The following FRG2B variants were observed in gnomAD, a reference collection of about 807,000 sequenced individuals.
FRG2B encodes the protein protein FRG2-like-1.
For missense variants in FRG2B, 95 were observed against 310.7 expected, an observed-to-expected ratio of 0.31 and a Z score of 5.22; for synonymous variants, 33 against 117.1, an observed-to-expected ratio of 0.28 and a Z score of 4.64.
At position 133,624,158 on chromosome 10, in the gene FRG2B, A is replaced by T. The variant is rs1852480158; in HGVS notation, c.*941T>A. The T allele has an allele frequency of 1.1e-5, 1 of 91,096 alleles. No individual in the cohort carries two copies. The highest frequency in any genetic ancestry group is 1.4e-4 in the Admixed American group (1 of 7,132). The allele number at this position is 91,096 out of a possible 1,614,324, so 5.6% of individuals were successfully genotyped here. A position where few individuals can be genotyped will look rare whatever the true frequency, so the allele number is the denominator to read the frequency against. ...TACAATCAATTGAAATGTATAAAAT[A>T]TAATAAAATATAAATTTAGGATGTT... On this transcript the variant is annotated 3_prime_UTR_variant, in exon 4 of 4. Coordinates refer to ENST00000425520, the MANE Select transcript of FRG2B (RefSeq NM_001080998.2).
rs779143439 is a variant in FRG2B at position 133,625,561 on chromosome 10, T to G, written c.375A>C (p.Lys125Asn). The change falls in exon 4 of 4, where the codon AAA (lysine) becomes AAC (asparagine). Residue 125 changes from lysine (K) to asparagine (N), a missense_variant. Physicochemically the swap from Lys to Asn is moderately conservative, Grantham distance 94 (BLOSUM62 0). Coordinates refer to ENST00000425520, the MANE Select transcript of FRG2B (RefSeq NM_001080998.2). ...EKECSLSLNK[K>N]SRSSTPVHNS... ...TGTGCACAGGAGTGGAGGATCTTGA[T>G]TTTTTATTCAATGACAAGCTGCACT... is the stretch of plus-strand genomic sequence containing the variant. 2 of 1,580,356 alleles carry G rather than the reference T, an allele frequency of 1.3e-6. No homozygotes were observed. The highest frequency in any genetic ancestry group is 1.4e-5 in the African/African-American group (1 of 70,958).
chr10:133,626,487 AC>A (rs1852508858), intron 1 of FRG2B, 77 bp downstream of exon 1: 1 of 1,587,426 alleles, frequency 6.3e-7, no homozygotes, highest in African/African-American at 1.4e-5. Context: ...TCAAAATAAA[AC>A]CCTGCTAAAG....
rs1852483193 is a variant in FRG2B, at chr10:133,624,631, T to G, written c.*468A>C. ...CCCAGCTGCTTGGGAGGCTGAGGCA[T>G]GAGAATTGTTTGAACCCAGGAAGCA... On this transcript the variant is annotated 3_prime_UTR_variant, in exon 4 of 4. Coordinates refer to ENST00000425520, the MANE Select transcript of FRG2B (RefSeq NM_001080998.2). 1 of 137,776 alleles carries G rather than the reference T, an allele frequency of 7.3e-6. No individual in the cohort carries two copies. The highest frequency in any genetic ancestry group is 6.8e-5 in the Admixed American group (1 of 14,622). The allele number at this position is 137,776 out of a possible 1,614,324, so 8.5% of individuals were successfully genotyped here. A position where few individuals can be genotyped will look rare whatever the true frequency, so the allele number is the denominator to read the frequency against.
At position 133,625,029 on chromosome 10, in the gene FRG2B, G is replaced by T; in HGVS notation, c.*70C>A. Reference sequence around the variant, plus strand: ...AATTGTCACTGCTGGTCATCTGGAAGAATCTGAGAAGAAGCAGATCCTTGT... The same window carrying T: ...AATTGTCACTGCTGGTCATCTGGAATAATCTGAGAAGAAGCAGATCCTTGT... On this transcript the variant is annotated 3_prime_UTR_variant, in exon 4 of 4. Coordinates refer to ENST00000425520, the MANE Select transcript of FRG2B (RefSeq NM_001080998.2). The T allele has an allele frequency of 2.2e-6, 1 of 454,240 alleles. No individual in the cohort carries two copies. The highest frequency in any genetic ancestry group is 3.6e-5 in the East Asian group (1 of 27,782). 28.1% of individuals were successfully genotyped at this position (454,240 alleles called of 1,614,324 possible).
Position 133,625,547 on chromosome 10 carries a change from G to A in FRG2B, c.389C>T (p.Thr130Ile), listed in dbSNP as rs371034891. The change falls in exon 4 of 4, where the codon ACT becomes ATT. Residue 130 changes from threonine to isoleucine, a missense_variant. Thr to Ile is a moderately conservative substitution (Grantham distance 89, BLOSUM62 -1). Coordinates refer to ENST00000425520, the MANE Select transcript of FRG2B (RefSeq NM_001080998.2). ...LSLNKKSRSS[T>I]PVHNSEIQET... ...CTGGATTTCACTGTTGTGCACAGGAGTGGAGGATCTTGATTTTTTATTCAA... is the reference window on the plus strand; with the variant it reads ...CTGGATTTCACTGTTGTGCACAGGAATGGAGGATCTTGATTTTTTATTCAA... 1.3e-6 allele frequency: 2 copies of A among 1,582,782 alleles called. No homozygotes were observed. Among genetic ancestry groups the A allele is most frequent in the African/African-American group, 2.8e-5 (2 of 71,232 alleles).
In FRG2B at chr10:133,625,522, C is replaced by T. The variant is rs1206210897; in HGVS notation, c.414G>A (p.Gln138=). Reference sequence around the variant, plus strand: ...CCCTATGGTGGGCATCACAGGTCTCCTGGATTTCACTGTTGTGCACAGGAG... The same window carrying T: ...CCCTATGGTGGGCATCACAGGTCTCTTGGATTTCACTGTTGTGCACAGGAG... The part of the protein sequence containing the change: ...SSTPVHNSEI[Q]ETCDAHHRGR... Residue 138 remains glutamine (Q), a synonymous_variant, in exon 4 of 4, where the codon CAG becomes CAA. Coordinates refer to ENST00000425520, the MANE Select transcript of FRG2B (RefSeq NM_001080998.2). 3 of 1,603,184 alleles carry T rather than the reference C, an allele frequency of 1.9e-6. No homozygotes were observed. Among genetic ancestry groups the T allele is most frequent in the African/African-American group, 2.7e-5 (2 of 73,376 alleles).
chr10:133,625,310 A>C lies in FRG2B; in HGVS notation c.626T>G (p.Leu209Arg). The C allele has an allele frequency of 1.1e-5, 18 of 1,586,660 alleles. No homozygotes were observed. Among genetic ancestry groups the C allele is most frequent in the Non-Finnish European group, 1.5e-5 (18 of 1,167,614 alleles). The change falls in exon 4 of 4, where the codon CTG (leucine) becomes CGG (arginine). Residue 209 changes from leucine (L) to arginine (R), a missense_variant. By Grantham distance (102) the Leu-to-Arg change is moderately radical. Coordinates refer to ENST00000425520, the MANE Select transcript of FRG2B (RefSeq NM_001080998.2). Reference protein sequence around the residue: ...HSPLTCEQLTLLTRLRGPLCA... With the variant: ...HSPLTCEQLTRLTRLRGPLCA... ...CAGAGGCCCCCGGAGCCGAGTGAGC[A>C]GTGTCAGCTGCTCACAGGTAAGTGG...
In FRG2B at chr10:133,625,485, C is replaced by T. The variant is rs768993303; in HGVS notation, c.451G>A (p.Ala151Thr). The change falls in exon 4 of 4, where the codon GCT becomes ACT. Residue 151 changes from alanine (A) to threonine (T), a missense_variant. Transcript: ENST00000425520. ...CDAHHRGRSRACTGRSKRHRS... is the reference protein window; with the variant it reads ...CDAHHRGRSRTCTGRSKRHRS... ...TGCCGCTTGCTGCGCCCAGTGCAAG[C>T]CCTGGAACGTCCCCTATGGTGGGCA... The T allele has an allele frequency of 2.0e-5, 32 of 1,611,506 alleles. No homozygotes were observed. Among genetic ancestry groups the T allele is most frequent in the Non-Finnish European group, 2.5e-5 (29 of 1,179,352 alleles).
rs1422593556 is a variant in FRG2B at position 133,624,640 on chromosome 10, T to C, written c.*459A>G. 2.7e-5 allele frequency: 4 copies of C among 149,940 alleles called. No homozygotes were observed. The highest frequency in any genetic ancestry group is 1.3e-4 in the Admixed American group (2 of 15,888). 9.3% of individuals were successfully genotyped at this position (149,940 alleles called of 1,614,324 possible). A position where few individuals can be genotyped will look rare whatever the true frequency, so the allele number is the denominator to read the frequency against. Reference sequence around the variant, plus strand: ...TTGGGAGGCTGAGGCATGAGAATTGTTTGAACCCAGGAAGCAGAGGTTGCA... The same window carrying C: ...TTGGGAGGCTGAGGCATGAGAATTGCTTGAACCCAGGAAGCAGAGGTTGCA... On this transcript the variant is annotated 3_prime_UTR_variant, in exon 4 of 4. Transcript: ENST00000425520.
chr10:133,625,487 C>G lies in FRG2B; in HGVS notation c.449G>C (p.Arg150Thr), dbSNP rs200159992. The G allele has an allele frequency of 4.1e-4, 662 of 1,611,630 alleles. No homozygotes were observed. The highest frequency in any genetic ancestry group is 1.8e-3 in the Middle Eastern group (11 of 6,048). ...TCDAHHRGRS[R>T]ACTGRSKRHR... ...CCGCTTGCTGCGCCCAGTGCAAGCC[C>G]TGGAACGTCCCCTATGGTGGGCATC... Residue 150 changes from arginine to threonine, a missense_variant, in exon 4 of 4, where the codon AGG becomes ACG. Physicochemically the swap from Arg to Thr is moderately conservative, Grantham distance 71. Transcript: ENST00000425520.
chr10:133,625,120 T>C lies in FRG2B; in HGVS notation c.816A>G (p.Gly272=). 2 of 800,336 alleles carry C rather than the reference T, an allele frequency of 2.5e-6. No individual in the cohort carries two copies. Among genetic ancestry groups the C allele is most frequent in the South Asian group, 3.9e-5 (2 of 51,492 alleles). The allele number at this position is 800,336 out of a possible 1,614,324, so 49.6% of individuals were successfully genotyped here. The change falls in exon 4 of 4, where the codon GGA becomes GGG. Residue 272 remains glycine, a synonymous_variant. Transcript: ENST00000425520. ...GTGCTCACAGCTTAGCCTCATCTGA[T>C]CCACTGACAGTCTCAGTTATCTCCT... is the stretch of plus-strand genomic sequence containing the variant. ...PGQEITETVS[G]SDEAKL is the part of the protein sequence containing the mutation.
chr10:133,625,616 G>T lies in FRG2B; in HGVS notation c.332-12C>A, dbSNP rs767505015. ...TTCTGGACAGTTCCCTGCAAAGAAA[G>T]CATGTGAGAGACTCACCAGAGCAGT... On this transcript the variant is annotated splice_polypyrimidine_tract_variant and intron_variant, in intron 3 of 3. Coordinates refer to ENST00000425520, the MANE Select transcript of FRG2B (RefSeq NM_001080998.2). The T allele has an allele frequency of 1.1e-4, 177 of 1,569,562 alleles. 6 individuals carry two copies. The highest frequency in any genetic ancestry group is 2.7e-5 in the Non-Finnish European group (31 of 1,159,070).
Position 133,625,615 on chromosome 10 carries a change from A to G in FRG2B, c.332-11T>C. ...TTTCTGGACAGTTCCCTGCAAAGAA[A>G]GCATGTGAGAGACTCACCAGAGCAG... On this transcript the variant is annotated splice_polypyrimidine_tract_variant and intron_variant, in intron 3 of 3. Transcript: ENST00000425520. 6.4e-7 allele frequency: 1 copy of G among 1,568,700 alleles called. No individual in the cohort carries two copies. Among genetic ancestry groups the G allele is most frequent in the Non-Finnish European group, 8.6e-7 (1 of 1,158,740 alleles).
rs757854904 is a variant in FRG2B, at chr10:133,625,465, C to T, written c.471G>A (p.Lys157=). 8.7e-6 allele frequency: 14 copies of T among 1,611,776 alleles called. No homozygotes were observed. Among genetic ancestry groups the T allele is most frequent in the Non-Finnish European group, 1.2e-5 (14 of 1,179,456 alleles). ...GRSRACTGRS[K]RHRSRALGVQ... The stretch of plus-strand genomic sequence containing the variant: ...CTCCTAGGGCCCGAGACCTATGCCG[C>T]TTGCTGCGCCCAGTGCAAGCCCTGG... Residue 157 remains lysine (K), a synonymous_variant, in exon 4 of 4, where the codon AAG becomes AAA. Coordinates refer to ENST00000425520, the MANE Select transcript of FRG2B (RefSeq NM_001080998.2).
chr10:133,624,005 CAATT>C lies in FRG2B; in HGVS notation c.*1090_*1093del, dbSNP rs1256622453. On this transcript the variant is annotated 3_prime_UTR_variant, in exon 4 of 4. Transcript: ENST00000425520. Reference sequence around the variant, plus strand: ...AAATGAAAATTATAAAGCAACCAAACAATTAATACACTTAGATAATGAAATAGTG... The same window carrying C: ...AAATGAAAATTATAAAGCAACCAAACAATACACTTAGATAATGAAATAGTG... 2 of 130,170 alleles carry C rather than the reference CAATT, an allele frequency of 1.5e-5. No homozygotes were observed. Among genetic ancestry groups the C allele is most frequent in the Admixed American group, 8.4e-5 (1 of 11,888 alleles). The allele number at this position is 130,170 out of a possible 1,614,324, so 8.1% of individuals were successfully genotyped here. A position where few individuals can be genotyped will look rare whatever the true frequency, so the allele number is the denominator to read the frequency against.
At position 133,625,421 on chromosome 10, in the gene FRG2B, C is replaced by T. The variant is rs570995159; in HGVS notation, c.515G>A (p.Arg172Gln). ...TCGCACAGAGGTCACCAAGCTTTTT[C>T]GAATTGACGGTGTTTGGACTCCTAG... ...RALGVQTPSI[R>Q]KSLVTSVRAM... Residue 172 changes from arginine (R) to glutamine (Q), a missense_variant, in exon 4 of 4, where the codon CGA (arginine) becomes CAA (glutamine). Arg to Gln is a conservative substitution (Grantham distance 43). Coordinates refer to ENST00000425520, the MANE Select transcript of FRG2B (RefSeq NM_001080998.2). 68 of 1,609,758 alleles carry T rather than the reference C, an allele frequency of 4.2e-5. No individual in the cohort carries two copies. Among genetic ancestry groups the T allele is most frequent in the Admixed American group, 2.3e-4 (14 of 59,810 alleles).
rs369445265 is a variant in FRG2B, at chr10:133,625,572, A to T, written c.364T>A (p.Leu122Met). The T allele has an allele frequency of 6.3e-7, 1 of 1,578,886 alleles. No individual in the cohort carries two copies. The highest frequency in any genetic ancestry group is 1.2e-5 in the South Asian group (1 of 82,944). Residue 122 changes from leucine (L) to methionine (M), a missense_variant, in exon 4 of 4, where the codon TTG becomes ATG. Coordinates refer to ENST00000425520, the MANE Select transcript of FRG2B (RefSeq NM_001080998.2). ...GTGGAGGATCTTGATTTTTTATTCA[A>T]TGACAAGCTGCACTCCTTTTCTGGA... ...NCPEKECSLS[L>M]NKKSRSSTPV...
chr10:133,624,595 A>T lies in FRG2B; in HGVS notation c.*504T>A, dbSNP rs1371283253. 3.0e-5 allele frequency: 3 copies of T among 99,032 alleles called. No individual in the cohort carries two copies. The highest frequency in any genetic ancestry group is 5.4e-5 in the African/African-American group (1 of 18,646). 6.1% of individuals were successfully genotyped at this position (99,032 alleles called of 1,614,324 possible). A position where few individuals can be genotyped will look rare whatever the true frequency, so the allele number is the denominator to read the frequency against. ...AAAAATTAGCCAGGCATAGCAGTAC[A>T]TGCCTGTAGTCCCAGCTGCTTGGGA... On this transcript the variant is annotated 3_prime_UTR_variant, in exon 4 of 4. Coordinates refer to ENST00000425520, the MANE Select transcript of FRG2B (RefSeq NM_001080998.2).
Position 133,625,765 on chromosome 10 carries a change from A to C in FRG2B, c.331+157T>G, listed in dbSNP as rs113512878. Among the ~76,000 whole-genome samples the C allele has an allele frequency of 2.0e-5, 3 of 152,244 alleles. No homozygotes were observed. In the East Asian group the frequency reaches 5.8e-4, roughly 29 times the overall value. ...AGGCTGAACCCCTTGTGAGTCCCCA[A>C]ATATTCTCAGAGTGCTAAGATCTCA... On this transcript the variant is annotated intron_variant, in intron 3 of 3. Coordinates refer to ENST00000425520, the MANE Select transcript of FRG2B (RefSeq NM_001080998.2).
Sources: gnomAD v4.1 joint callset for allele counts (sites outside exome capture counted in the v4.1 genomes callset) on GRCh38, gnomAD v4.1.1 for gene constraint, MANE v1.5 for transcripts, NCBI Gene and HGNC (gene_info 2026-07-23, HGNC 2026-07-21) for gene names.